Variants in CACNG2 observed in about 807,000 individuals in gnomAD.
The protein encoded by CACNG2 is voltage-dependent calcium channel gamma-2 subunit.
CACNG2 carries 3 observed loss-of-function variants against 25.9 expected under a neutral mutation model. That is an observed-to-expected ratio of 0.12 (90% confidence interval 0.05 to 0.30). The LOEUF (loss-of-function observed/expected upper bound fraction) is 0.30. Among genes scored for constraint, CACNG2 ranks in the 10% least tolerant of loss-of-function variants. The pLI is 1.00. For missense variants in CACNG2, 341 were observed against 432.5 expected, an observed-to-expected ratio of 0.79 and a Z score of 1.88; for synonymous variants, 167 against 173.3, an observed-to-expected ratio of 0.96 and a Z score of 0.29.
intron 1 of CACNG2, among the ~76,000 whole-genome samples, chr22:36,696,502 C>T (rs987121652): frequency 1.3e-5 from 2 of 152,210 alleles, no homozygotes; most frequent in African/African-American, 4.8e-5. Context: ...AACACCCACA[C>T]TGTAGCAGGC....
intron 1 of CACNG2, among the ~76,000 whole-genome samples, chr22:36,635,167 C>G (rs1936334852): frequency 6.6e-6 from 1 of 151,838 alleles, no homozygotes; most frequent in Non-Finnish European, 1.5e-5. Flanking sequence ...GCCTGTAGTC[C>G]CAGCTATTTG....
At position 36,615,323 on chromosome 22, in the gene CACNG2, T is replaced by C. The variant is rs529788992; in HGVS notation, c.212-27775A>G. 5.3e-5 allele frequency among the ~76,000 whole-genome samples: 8 copies of C among 152,330 alleles called. No individual in the cohort carries two copies. In the South Asian group the frequency reaches 1.7e-3, roughly 32 times the overall value. The stretch of plus-strand genomic sequence containing the variant: ...CAGTGGTTGGATTTCCTGTATCTCA[T>C]GGGTACCACACCTGCAGGGCCCTTC... On this transcript the variant is annotated intron_variant, in intron 1 of 3. Coordinates refer to ENST00000300105, the MANE Select transcript of CACNG2 (RefSeq NM_006078.5).
chr22:36,642,474 A>T (rs928801695), intron 1 of CACNG2, among the ~76,000 whole-genome samples: 7 of 152,150 alleles, frequency 4.6e-5, no homozygotes, highest in African/African-American at 1.7e-4. Flanking sequence ...CATTAGATAC[A>T]TGGTACAGCT....
intron 1 of CACNG2, among the ~76,000 whole-genome samples, chr22:36,605,840 G>A (rs1250300903): frequency 6.6e-6 from 1 of 152,172 alleles, no homozygotes; most frequent in Non-Finnish European, 1.5e-5. Context: ...AAGAGAGCCT[G>A]CCCAAGGAGC....
At chr22:36,681,767 C>G (rs1294161189) in intron 1 of CACNG2, among the ~76,000 whole-genome samples, 1 of 152,136 alleles carries the variant, frequency 6.6e-6, no homozygotes, top group African/African-American at 2.4e-5. Flanking sequence ...CTTCAGTTCT[C>G]TCATCTGTAC....
intron 1 of CACNG2, among the ~76,000 whole-genome samples, chr22:36,701,305 T>A (rs182786781): frequency 1.0e-3 from 152 of 152,330 alleles, no homozygotes; most frequent in African/African-American, 3.6e-3. Context: ...TCAAATGCAG[T>A]CCCTCATACT....
chr22:36,680,707 C>CACCACCACCATCACCACA (rs1937108225), intron 1 of CACNG2, among the ~76,000 whole-genome samples: 1 of 144,466 alleles, frequency 6.9e-6, no homozygotes, highest in Non-Finnish European at 1.5e-5. Flanking sequence ...TCACCACTAC[C>CACCACCACCATCACCACA]ACCATCACCA....
At chr22:36,641,253 G>C (rs1030886140) in intron 1 of CACNG2, among the ~76,000 whole-genome samples, 4 of 152,196 alleles carry the variant, frequency 2.6e-5, no homozygotes, top group African/African-American at 9.7e-5. Flanking sequence ...AGTCCGCAGA[G>C]CCCACGAGGG....
At chr22:36,630,590 G>T (rs982770932) in intron 1 of CACNG2, among the ~76,000 whole-genome samples, 1 of 152,086 alleles carries the variant, frequency 6.6e-6, no homozygotes, top group African/African-American at 2.4e-5. Flanking sequence ...GACCCTGTTG[G>T]CCCTGAGAGA....
chr22:36,691,397 T>C (rs1937266948), intron 1 of CACNG2, among the ~76,000 whole-genome samples: 1 of 152,134 alleles, frequency 6.6e-6, no homozygotes, highest in Non-Finnish European at 1.5e-5. Context: ...ACTTCTGTTT[T>C]CAAAGCAGTG....
rs540474838 is a variant in CACNG2 at position 36,562,789 on chromosome 22, C to A, written c.*1562G>T. ...TTGTTGGATTCTGTCTTCCCCCATT[C>A]GCAGCACCTTCCTTGTCTGAGGAAG... On this transcript the variant is annotated 3_prime_UTR_variant, in exon 4 of 4. Coordinates refer to ENST00000300105, the MANE Select transcript of CACNG2 (RefSeq NM_006078.5). 1 of 152,230 alleles carries A rather than the reference C, an allele frequency of 6.6e-6. No homozygotes were observed. The highest frequency in any genetic ancestry group is 2.4e-5 in the African/African-American group (1 of 41,404). The allele number at this position is 152,230 out of a possible 1,614,324, so 9.4% of individuals were successfully genotyped here.
At chr22:36,696,682 A>G (rs993326908) in intron 1 of CACNG2, among the ~76,000 whole-genome samples, 2 of 152,226 alleles carry the variant, frequency 1.3e-5, no homozygotes, top group Admixed American at 1.3e-4. Context: ...AGAGCGTGCT[A>G]CAAGGTGGTA....
rs541839577 is a variant in CACNG2 at position 36,570,244 on chromosome 22, T to C, written c.296-3751A>G. 5.9e-5 allele frequency among the ~76,000 whole-genome samples: 9 copies of C among 152,140 alleles called. No individual in the cohort carries two copies. The East Asian group carries it at 9.7e-4, about 16-fold the overall frequency. On this transcript the variant is annotated intron_variant, in intron 2 of 3. Coordinates refer to ENST00000300105, the MANE Select transcript of CACNG2 (RefSeq NM_006078.5). ...TGGGCAGCCAGAGGCCAGGCATGTGTGGACAAGATGGAGGGCGGCGGGAGA... is the reference window on the plus strand; with the variant it reads ...TGGGCAGCCAGAGGCCAGGCATGTGCGGACAAGATGGAGGGCGGCGGGAGA...
At chr22:36,605,648 T>C (rs540734342) in intron 1 of CACNG2, among the ~76,000 whole-genome samples, 2 of 152,326 alleles carry the variant, frequency 1.3e-5, no homozygotes, top group East Asian at 1.9e-4. Context: ...GTTGTGAGAA[T>C]TGCATAAAAC....
intron 1 of CACNG2, among the ~76,000 whole-genome samples, chr22:36,655,918 C>G (rs1936698920): frequency 6.6e-6 from 1 of 151,960 alleles, no homozygotes; most frequent in Non-Finnish European, 1.5e-5. Context: ...AGCAATTCTC[C>G]TGCCTCAGCC....
intron 1 of CACNG2, among the ~76,000 whole-genome samples, chr22:36,650,042 T>C (rs1341352416): frequency 6.6e-6 from 1 of 152,170 alleles, no homozygotes; most frequent in Non-Finnish European, 1.5e-5. Context: ...CACCACCAAC[T>C]CCTGCCTGGA....
chr22:36,680,923 A>C (rs550645075), intron 1 of CACNG2, among the ~76,000 whole-genome samples: 2 of 151,412 alleles, frequency 1.3e-5, no homozygotes, highest in African/African-American at 4.9e-5. Context: ...AGCACATCTG[A>C]AAAACTCTGA....
intron 1 of CACNG2, among the ~76,000 whole-genome samples, chr22:36,664,400 G>A (rs1936845087): frequency 6.6e-6 from 1 of 152,230 alleles, no homozygotes; most frequent in Admixed American, 6.5e-5. Flanking sequence ...GATGAGCAAG[G>A]TCCTTGTTTC....
intron 1 of CACNG2, among the ~76,000 whole-genome samples, chr22:36,689,215 C>T (rs913174991): frequency 1.3e-5 from 2 of 152,050 alleles, no homozygotes; most frequent in Admixed American, 6.5e-5. Flanking sequence ...AGAGCAGGGG[C>T]GTGTCTTCTG....
Sources: gnomAD v4.1 joint callset for allele counts (sites outside exome capture counted in the v4.1 genomes callset) on GRCh38, gnomAD v4.1.1 for gene constraint, MANE v1.5 for transcripts, NCBI Gene and HGNC (gene_info 2026-07-23, HGNC 2026-07-21) for gene names.